The following CFAP47 variants were observed in gnomAD, a reference collection of about 807,000 sequenced individuals.
The protein encoded by CFAP47 is cilia and flagella associated protein 47.
A neutral mutation model predicts 148.1 loss-of-function variants in CFAP47; 29 were observed. The ratio of observed to expected loss-of-function variants is 0.20; its 90% CI spans 0.15 to 0.27. The LOEUF (loss-of-function observed/expected upper bound fraction) is 0.27, where lower values mean the gene tolerates loss of function less well. CFAP47 is among the 10% of genes least tolerant of loss of function. The pLI, the probability that CFAP47 is intolerant of heterozygous loss-of-function variation, is 1.00. For synonymous variants in CFAP47, 664 were observed against 577.3 expected (o/e 1.15, Z -2.15); for missense variants, 1,872 against 1,697.5 (o/e 1.10, Z -1.81).
intron 33 of CFAP47, among the ~76,000 whole-genome samples, chrX:36,130,700 T>TA (rs1208038058): frequency 9.1e-6 from 1 of 110,043 alleles, no homozygotes; most frequent in African/African-American, 3.3e-5. Context: ...GTTGAATAGA[T>TA]AAAAAAAATG....
At chrX:36,117,366 C>T (rs1938659852) in intron 33 of CFAP47, among the ~76,000 whole-genome samples, 1 of 111,710 alleles carries the variant, frequency 9.0e-6, no homozygotes, top group Non-Finnish European at 1.9e-5. Flanking sequence ...TTTACGTTCC[C>T]ACCAGCAGTG....
Position 36,236,675 on chromosome X carries a change from G to A in CFAP47, c.7159-11G>A, listed in dbSNP as rs1940470756. The A allele has an allele frequency of 5.8e-6, 3 of 521,497 alleles. No homozygotes were observed. Among genetic ancestry groups the A allele is most frequent in the Non-Finnish European group, 1.1e-5 (3 of 285,452 alleles). 43.0% of individuals were successfully genotyped at this position (521,497 alleles called of 1,213,427 possible). A position where few individuals can be genotyped will look rare whatever the true frequency, so the allele number is the denominator to read the frequency against. ...CTCCTATAGACCTGAAATTTGTCTG[G>A]TTTCTCATAGGGTAAACTTATTCTA... On this transcript the variant is annotated splice_polypyrimidine_tract_variant and intron_variant, in intron 47 of 63. Transcript: ENST00000378653.
chrX:35,967,086 C>T (rs1219902789), intron 9 of CFAP47, among the ~76,000 whole-genome samples: 1 of 111,092 alleles, frequency 9.0e-6, no homozygotes, highest in Non-Finnish European at 1.9e-5. Flanking sequence ...TTACAATGTT[C>T]CCAGTAGATG....
At chrX:36,032,718 C>T (rs1455517598) in intron 23 of CFAP47, among the ~76,000 whole-genome samples, 2 of 110,832 alleles carry the variant, frequency 1.8e-5, no homozygotes, top group African/African-American at 6.6e-5. Context: ...CAGATAATGG[C>T]CCCAAAGATG....
intron 40 of CFAP47, among the ~76,000 whole-genome samples, chrX:36,182,159 A>C (rs1345644789): frequency 8.9e-6 from 1 of 112,232 alleles, no homozygotes; most frequent in Non-Finnish European, 1.9e-5. Flanking sequence ...TAGGCAATGG[A>C]AAGGAAGATG....
At chrX:36,119,737 T>C (rs1005237504) in intron 33 of CFAP47, among the ~76,000 whole-genome samples, 4 of 111,691 alleles carry the variant, frequency 3.6e-5, no homozygotes, top group African/African-American at 1.3e-4. Flanking sequence ...TTCATGTTAC[T>C]TGTTATTGGT....
chrX:36,265,569 G>A (rs782568617), intron 49 of CFAP47, among the ~76,000 whole-genome samples: 1 of 111,376 alleles, frequency 9.0e-6, no homozygotes, highest in Non-Finnish European at 1.9e-5. Flanking sequence ...ATTATTTTGA[G>A]GTTTGTTCCT....
chrX:36,011,713 G>A (rs186369808), intron 21 of CFAP47, among the ~76,000 whole-genome samples: 5 of 111,647 alleles, frequency 4.5e-5, no homozygotes, highest in African/African-American at 1.6e-4. Flanking sequence ...TCAAAAACCA[G>A]GTATCTTTGT....
At chrX:36,120,142 C>T (rs1475997417) in intron 33 of CFAP47, among the ~76,000 whole-genome samples, 2 of 108,291 alleles carry the variant, frequency 1.8e-5, no homozygotes, top group Admixed American at 2.0e-4. Flanking sequence ...TCTGGGACTA[C>T]AGGTGCCTGC....
rs1441573076 is a variant in CFAP47 at position 36,304,012 on chromosome X, A to G, written c.8082+52A>G. The stretch of plus-strand genomic sequence containing the variant: ...TTTACTGCTGCTAGATCATTTTCCA[A>G]TTCTGATTTTGGGACACTGGTGGAG... On this transcript the variant is annotated intron_variant, in intron 54 of 63. Coordinates refer to ENST00000378653, the MANE Select transcript of CFAP47 (RefSeq NM_001304548.2). 9.8e-6 allele frequency: 6 copies of G among 610,794 alleles called. No homozygotes were observed. The Admixed American group carries it at 1.4e-4, about 14-fold the overall frequency. 50.3% of individuals were successfully genotyped at this position (610,794 alleles called of 1,213,427 possible). A position where few individuals can be genotyped will look rare whatever the true frequency, so the allele number is the denominator to read the frequency against.
chrX:36,367,073 G>A lies in CFAP47; in HGVS notation c.9131G>A (p.Gly3044Glu), dbSNP rs1328604746. The A allele has an allele frequency of 1.7e-6, 2 of 1,160,109 alleles. No homozygotes were observed. Among genetic ancestry groups the A allele is most frequent in the East Asian group, 6.5e-5 (2 of 30,560 alleles). ...ACGGATGCTGTCATTGACATTGAAG[G>A]AGTTGGTTTATTTAAGGAATCTGTT... ...PDTDAVIDIE[G>E]VGLFKESVFE... The change falls in exon 62 of 64, where the codon GGA becomes GAA. Residue 3044 changes from glycine (G) to glutamate (E), a missense_variant. Coordinates refer to ENST00000378653, the MANE Select transcript of CFAP47 (RefSeq NM_001304548.2).
chrX:36,383,342 A>T (rs1253870715), intron 63 of CFAP47, among the ~76,000 whole-genome samples: 4 of 111,745 alleles, frequency 3.6e-5, no homozygotes. Flanking sequence ...CATATAGCTT[A>T]CTCATGTATA....
intron 56 of CFAP47, among the ~76,000 whole-genome samples, chrX:36,316,520 G>T (rs1161115487): frequency 8.9e-6 from 1 of 111,871 alleles, no homozygotes; most frequent in Non-Finnish European, 1.9e-5. Flanking sequence ...TTGAGCAATT[G>T]TCTGGTTTTT....
chrX:36,054,930 G>A (rs1452423709), intron 26 of CFAP47, among the ~76,000 whole-genome samples: 1 of 108,894 alleles, frequency 9.2e-6, no homozygotes, highest in African/African-American at 3.3e-5. Context: ...CCGCCACCAC[G>A]CCCAGCTAAT....
intron 49 of CFAP47, among the ~76,000 whole-genome samples, chrX:36,261,898 C>T (rs1265743017): frequency 9.0e-6 from 1 of 110,847 alleles, no homozygotes; most frequent in Non-Finnish European, 1.9e-5. Flanking sequence ...CCAGAAGGGG[C>T]GGCCGGGCAG....
chrX:36,349,825 A>G (rs782104504), intron 58 of CFAP47, among the ~76,000 whole-genome samples: 1 of 111,746 alleles, frequency 8.9e-6, no homozygotes, highest in African/African-American at 3.2e-5. Flanking sequence ...TGGTTTCATT[A>G]CAGTTTGCTT....
chrX:36,335,911 TATCTC>T (rs1556014751), intron 57 of CFAP47, among the ~76,000 whole-genome samples: 1 of 111,636 alleles, frequency 9.0e-6, no homozygotes, highest in Non-Finnish European at 1.9e-5. Flanking sequence ...AATCTATAAT[TATCTC>T]AACTATTTTT....
chrX:36,110,429 C>T (rs993290466), intron 33 of CFAP47, among the ~76,000 whole-genome samples: 3 of 110,395 alleles, frequency 2.7e-5, no homozygotes, highest in African/African-American at 9.9e-5. Context: ...TGTAGGTGTG[C>T]GACCTTATGT....
chrX:36,051,426 G>A (rs1395018794), intron 26 of CFAP47, among the ~76,000 whole-genome samples: 1 of 111,178 alleles, frequency 9.0e-6, no homozygotes, highest in Non-Finnish European at 1.9e-5. Flanking sequence ...AGTGTGACCT[G>A]GATGTGAGAC....
Sources: allele counts gnomAD v4.1 joint callset (sites outside exome capture counted in the v4.1 genomes callset), GRCh38; gene constraint gnomAD v4.1.1; transcripts MANE v1.5; gene names NCBI Gene and HGNC (gene_info 2026-07-23, HGNC 2026-07-21).